CAMK2G: variants seen among roughly 807,000 people sequenced by gnomAD.
The protein encoded by CAMK2G is calcium/calmodulin dependent protein kinase II gamma, also known as calcium/calmodulin-dependent protein kinase type II subunit gamma.
A neutral mutation model predicts 88.7 loss-of-function variants in CAMK2G; 23 were observed. The observed-to-expected ratio is 0.26, with a 90% CI of 0.19 to 0.37. The LOEUF is 0.37. CAMK2G is among the 10% of genes least tolerant of loss of function. The pLI is 1.00. For missense variants in CAMK2G, 476 were observed against 780.8 expected (o/e 0.61, Z 4.65); for synonymous variants, 263 against 294.8 (o/e 0.89, Z 1.11).
intron 2 of CAMK2G, among the ~76,000 whole-genome samples, chr10:73,867,692 G>A (rs1205554641): frequency 6.6e-6 from 1 of 152,152 alleles, no homozygotes; most frequent in East Asian, 1.9e-4. Context: ...GACGGGAATG[G>A]GGCCTCAGCC....
At chr10:73,849,376 C>T (rs1279778285) in intron 5 of CAMK2G, 43 bp from the exon 6 acceptor site, 2 of 1,374,094 alleles carry the variant, frequency 1.5e-6, no homozygotes, top group African/African-American at 1.4e-5. Flanking sequence ...CAGGGTTAAA[C>T]CACCTCATCC....
intron 2 of CAMK2G, among the ~76,000 whole-genome samples, chr10:73,863,879 G>A (rs1462341220): frequency 1.3e-5 from 2 of 152,170 alleles, no homozygotes; most frequent in East Asian, 1.9e-4. Flanking sequence ...GCAAGGCCCA[G>A]GTCTTCTCTG....
chr10:73,845,378 C>G (rs988898481), intron 10 of CAMK2G, among the ~76,000 whole-genome samples: 8 of 151,900 alleles, frequency 5.3e-5, no homozygotes, highest in Non-Finnish European at 1.2e-4. Context: ...ATCAGGAGAT[C>G]GAAACCATCC....
chr10:73,834,172 C>A (rs61864476), intron 14 of CAMK2G, among the ~76,000 whole-genome samples: 2 of 152,226 alleles, frequency 1.3e-5, no homozygotes, highest in Admixed American at 6.5e-5. Flanking sequence ...CCCGCCTCGG[C>A]CTCCCAAAGT....
intron 1 of CAMK2G, 172 bp from the exon 2 acceptor site, chr10:73,873,255 C>T: frequency 2.7e-6 from 3 of 1,092,556 alleles, no homozygotes; most frequent in East Asian, 2.6e-5. Flanking sequence ...CAAAAGGACG[C>T]GGCCACCGCA....
chr10:73,840,303 G>A (rs2093674065), intron 12 of CAMK2G, among the ~76,000 whole-genome samples: 1 of 152,222 alleles, frequency 6.6e-6, no homozygotes, highest in African/African-American at 2.4e-5. Flanking sequence ...ACACTCTGGA[G>A]GCCCCGATTC....
chr10:73,845,022 C>G (rs766893849), intron 10 of CAMK2G, among the ~76,000 whole-genome samples: 41 of 152,132 alleles, frequency 2.7e-4, no homozygotes, highest in Non-Finnish European at 5.1e-4. Context: ...CTAACTCTCC[C>G]TATCATTAAA....
chr10:73,837,051 C>G (rs2093320757), intron 14 of CAMK2G: 1 of 195,640 alleles, frequency 5.1e-6, no homozygotes, highest in Non-Finnish European at 1.1e-5. Flanking sequence ...TTTCAGGTTC[C>G]AAGCCCTATA....
intron 14 of CAMK2G, among the ~76,000 whole-genome samples, chr10:73,835,965 G>T (rs929768275): frequency 6.6e-6 from 1 of 152,116 alleles, no homozygotes; most frequent in African/African-American, 2.4e-5. Context: ...CTCCCGAGTG[G>T]CTGGGATTAC....
At chr10:73,826,103 C>T (rs772434294) in intron 15 of CAMK2G, among the ~76,000 whole-genome samples, 4 of 152,176 alleles carry the variant, frequency 2.6e-5, no homozygotes, top group Admixed American at 6.5e-5. Context: ...CCCAACAGCA[C>T]CATGACCACC....
At chr10:73,866,469 A>G (rs1278078139) in intron 2 of CAMK2G, among the ~76,000 whole-genome samples, 2 of 152,114 alleles carry the variant, frequency 1.3e-5, no homozygotes, top group Non-Finnish European at 2.9e-5. Flanking sequence ...TTTTCCTAAA[A>G]AAAAAACACA....
At chr10:73,823,661 T>C (rs145763348) in intron 17 of CAMK2G, among the ~76,000 whole-genome samples, 3 of 152,338 alleles carry the variant, frequency 2.0e-5, no homozygotes, top group Non-Finnish European at 4.4e-5. Context: ...GGTGAAAACA[T>C]CAAGGGCACA....
chr10:73,863,294 C>G (rs1395734004), intron 2 of CAMK2G, among the ~76,000 whole-genome samples: 1 of 152,198 alleles, frequency 6.6e-6, no homozygotes, highest in Non-Finnish European at 1.5e-5. Flanking sequence ...AAGTAACTCC[C>G]AACTCCCAGA....
intron 12 of CAMK2G, among the ~76,000 whole-genome samples, chr10:73,840,827 A>G (rs1214858093): frequency 6.6e-6 from 1 of 152,246 alleles, no homozygotes; most frequent in Non-Finnish European, 1.5e-5. Flanking sequence ...ACGCCCTTCA[A>G]TGTCCTCTGG....
At chr10:73,829,700 G>GGGT (rs1265867895) in intron 14 of CAMK2G, among the ~76,000 whole-genome samples, 1 of 138,370 alleles carries the variant, frequency 7.2e-6, no homozygotes, top group Non-Finnish European at 1.6e-5. Flanking sequence ...TAAGTAGTGG[G>GGGT]GTGTGTGTGT....
chr10:73,853,872 C>T (rs2094826310), intron 3 of CAMK2G, among the ~76,000 whole-genome samples: 1 of 152,200 alleles, frequency 6.6e-6, no homozygotes, highest in African/African-American at 2.4e-5. Context: ...TTATCAAGCA[C>T]CTACTATGTG....
In CAMK2G at chr10:73,848,213, G is replaced by C. The variant is rs1263633142; in HGVS notation, c.602-131C>G. On this transcript the variant is annotated intron_variant, in intron 8 of 22. Coordinates refer to ENST00000423381, the MANE Select transcript of CAMK2G (RefSeq NM_001367534.1). This position sits in a 1 kb window ranked among gnomAD's most constrained non-coding sequence, Gnocchi z 4.5. ...CCAGAGTCAGAAGTGGATGCCAGCC[G>C]ATAATGCTATGCTACCAGCCCCTCC... 1 of 675,234 alleles carries C rather than the reference G, an allele frequency of 1.5e-6. No homozygotes were observed. The highest frequency in any genetic ancestry group is 1.7e-5 in the South Asian group (1 of 60,488). The allele number at this position is 675,234 out of a possible 1,614,324, so 41.8% of individuals were successfully genotyped here. A position where few individuals can be genotyped will look rare whatever the true frequency, so the allele number is the denominator to read the frequency against.
chr10:73,873,630 G>A (rs2095931599), intron 1 of CAMK2G: 7 of 628,614 alleles, frequency 1.1e-5, no homozygotes, highest in Non-Finnish European at 1.4e-5. Flanking sequence ...AGGGAAGAGA[G>A]GACACAGTCA....
chr10:73,828,474 G>A (rs1225923825), intron 14 of CAMK2G, among the ~76,000 whole-genome samples: 1 of 152,198 alleles, frequency 6.6e-6, no homozygotes, highest in Admixed American at 6.5e-5. Flanking sequence ...GGTTCATAGG[G>A]TTAGCTCACC....
Sources: gnomAD v4.1 joint callset for allele counts (sites outside exome capture counted in the v4.1 genomes callset) on GRCh38, gnomAD v4.1.1 for gene constraint, Gnocchi (gnomAD v3.1) non-coding constraint, MANE v1.5 for transcripts, NCBI Gene and HGNC (gene_info 2026-07-23, HGNC 2026-07-21) for gene names.